The following CATSPERT variants were observed in gnomAD, a reference collection of about 807,000 sequenced individuals.
CATSPERT encodes the protein cation channel sperm-associated targeting subunit tau.
chr2:201,504,449 G>A, the CATSPERT span, among the ~76,000 whole-genome samples: 1 of 152,142 alleles, frequency 6.6e-6, no homozygotes, highest in Admixed American at 6.5e-5. Context: ...CAAGATGGCG[G>A]CCAGAGATTA....
chr2:201,514,126 T>C, the CATSPERT span, among the ~76,000 whole-genome samples: 43,561 of 151,834 alleles, frequency 0.29, 6,608 homozygotes, highest in Admixed American at 0.38. Context: ...CTTAAGAAAA[T>C]AGCAAAAGAA....
chr2:201,549,214 AT>A, the CATSPERT span, among the ~76,000 whole-genome samples: 1 of 152,132 alleles, frequency 6.6e-6, no homozygotes, highest in African/African-American at 2.4e-5. Flanking sequence ...TATTTTAAGT[AT>A]TTTTTTCAGA....
the CATSPERT span, chr2:201,535,418 G>A: frequency 8.2e-6 from 8 of 974,312 alleles, no homozygotes; most frequent in South Asian, 1.9e-4. Context: ...CTATTATTTG[G>A]TGTACCTTTA....
chr2:201,535,462 A>G, the CATSPERT span: 1 of 938,548 alleles, frequency 1.1e-6, no homozygotes, highest in Non-Finnish European at 1.3e-6. Flanking sequence ...TAAACTATAA[A>G]ATTATTTGTA....
chr2:201,557,782 A>C, the CATSPERT span: 1 of 152,266 alleles, frequency 6.6e-6, no homozygotes, highest in African/African-American at 2.4e-5. Flanking sequence ...CACATTTTCC[A>C]CATCAAGCCA....
the CATSPERT span, among the ~76,000 whole-genome samples, chr2:201,600,202 A>G: frequency 6.6e-6 from 1 of 152,214 alleles, no homozygotes; most frequent in Admixed American, 6.5e-5. Context: ...TCCATCAATG[A>G]CAGACTGGAT....
the CATSPERT span, chr2:201,545,650 A>G: frequency 3.3e-4 from 276 of 830,834 alleles, 3 homozygotes; most frequent in African/African-American, 3.9e-3. Context: ...AAAAAAAAAA[A>G]AAAGAAAAAA....
chr2:201,501,173 C>A, the CATSPERT span, among the ~76,000 whole-genome samples: 2 of 151,728 alleles, frequency 1.3e-5, no homozygotes, highest in South Asian at 2.1e-4. Flanking sequence ...CCAAAGTGGG[C>A]GGATCACCTG....
At chr2:201,580,924 A>T in the CATSPERT span, among the ~76,000 whole-genome samples, 1 of 152,224 alleles carries the variant, frequency 6.6e-6, no homozygotes, top group Non-Finnish European at 1.5e-5. Context: ...TAAGCAGCCC[A>T]GCTAAGGATG....
the CATSPERT span, among the ~76,000 whole-genome samples, chr2:201,506,406 C>T: frequency 6.6e-6 from 1 of 152,134 alleles, no homozygotes; most frequent in Non-Finnish European, 1.5e-5. Context: ...TGTAGTATAA[C>T]CCAGGAGGAA....
chr2:201,533,512 T>C, the CATSPERT span, among the ~76,000 whole-genome samples: 2 of 152,180 alleles, frequency 1.3e-5, no homozygotes, highest in Non-Finnish European at 2.9e-5. Flanking sequence ...TCATTGTATG[T>C]AGGGGACAGA....
the CATSPERT span, among the ~76,000 whole-genome samples, chr2:201,608,166 C>A: frequency 2.0e-5 from 3 of 152,048 alleles, no homozygotes; most frequent in Non-Finnish European, 4.4e-5. Flanking sequence ...GGTCATGGGG[C>A]AGACAGGGTC....
the CATSPERT span, among the ~76,000 whole-genome samples, chr2:201,593,312 T>C: frequency 6.6e-6 from 1 of 151,906 alleles, no homozygotes; most frequent in South Asian, 2.1e-4. Flanking sequence ...TTCTTAATCC[T>C]GAGTTCTAGT....
At chr2:201,604,610 C>G in the CATSPERT span, 1 of 1,585,014 alleles carries the variant, frequency 6.3e-7, no homozygotes, top group African/African-American at 1.4e-5. Context: ...CTCATACATA[C>G]CACATCCCCA....
the CATSPERT span, among the ~76,000 whole-genome samples, chr2:201,593,970 C>A: frequency 2.6e-5 from 4 of 151,938 alleles, no homozygotes; most frequent in Non-Finnish European, 5.9e-5. Flanking sequence ...AGCATTTAGT[C>A]CATTTACATT....
chr2:201,547,609 G>T, the CATSPERT span: 2 of 1,461,984 alleles, frequency 1.4e-6, no homozygotes, highest in East Asian at 2.3e-5. Context: ...ATCTTTTCCA[G>T]CCTAAAGAAA....
At chr2:201,547,344 C>A in the CATSPERT span, among the ~76,000 whole-genome samples, 1 of 152,012 alleles carries the variant, frequency 6.6e-6, no homozygotes, top group East Asian at 1.9e-4. Context: ...AATAAATATT[C>A]ATTGAATGGC....
chr2:201,518,514 T>C, the CATSPERT span, among the ~76,000 whole-genome samples: 4 of 151,952 alleles, frequency 2.6e-5, no homozygotes, highest in African/African-American at 9.7e-5. Flanking sequence ...TGGTGGAAAA[T>C]GGTAGATGAG....
the CATSPERT span, chr2:201,535,166 C>T: frequency 1.0e-6 from 1 of 984,244 alleles, no homozygotes. Flanking sequence ...AAAATTATGT[C>T]TTTTGAAATT....
Sources: gnomAD v4.1 joint callset for allele counts (sites outside exome capture counted in the v4.1 genomes callset) on GRCh38, gnomAD v4.1.1 for gene constraint, MANE v1.5 for transcripts, NCBI Gene and HGNC (gene_info 2026-07-23, HGNC 2026-07-21) for gene names.